Variants in TRPM5 observed in about 807,000 individuals in gnomAD.
The protein encoded by TRPM5 is transient receptor potential cation channel subfamily M member 5.
A neutral mutation model predicts 124.9 loss-of-function variants in TRPM5; 121 were observed. The observed-to-expected ratio is 0.97, with a 90% CI of 0.84 to 1.13. TRPM5 has a LOEUF of 1.13. Ranked by LOEUF, TRPM5 falls within the 50% of genes most tolerant of loss-of-function variation. The probability of loss-of-function intolerance (pLI) is 0.00; values close to 1 mark genes in which losing one functional copy is unlikely to be tolerated. For missense variants in TRPM5, 1,643 were observed against 1,589.1 expected (o/e 1.03, Z -0.58); for synonymous variants, 781 against 700.5 (o/e 1.11, Z -1.81).
chr11:2,414,009 G>GGGGGGGGGCCCCCCCCCCCCCC, intron 12 of TRPM5, 52 bp downstream of exon 17: 1 of 1,023,732 alleles, frequency 9.8e-7, no homozygotes, highest in Non-Finnish European at 1.4e-6. Context: ...GGCCCAGCTC[G>GGGGGGGGGCCCCCCCCCCCCCC]CCCGCCCACC....
chr11:2,441,306 C>G, the TRPM5 span, among the ~76,000 whole-genome samples: 4 of 152,112 alleles, frequency 2.6e-5, no homozygotes, highest in Admixed American at 2.6e-4. This position sits in a 1 kb window ranked among gnomAD's most constrained non-coding sequence, Gnocchi z 7.2. Flanking sequence ...CTGATGGGGG[C>G]CCTCCTCACC....
At chr11:2,423,055 AG>A, upstream of TRPM5, 1 of 1,597,306 alleles carries the variant, frequency 6.3e-7, no homozygotes. Context: ...CTAGAGCTGC[AG>A]GGATACCCTG....
At chr11:2,410,559 G>A in intron 18 of TRPM5, 2 of 332,504 alleles carry the variant, frequency 6.0e-6, no homozygotes, top group Non-Finnish European at 1.2e-5. Context: ...TCCTCACTGA[G>A]TCCCAGCCAT....
At chr11:2,425,963 C>A (rs569589704), upstream of TRPM5, among the ~76,000 whole-genome samples, 1 of 152,296 alleles carries the variant, frequency 6.6e-6, no homozygotes, top group East Asian at 1.9e-4. Flanking sequence ...TCCTACAGGG[C>A]TCCCTGGCCC....
intron 4 of TRPM5, among the ~76,000 whole-genome samples, chr11:2,419,475 G>A (rs1845735113): frequency 6.6e-6 from 1 of 151,688 alleles, no homozygotes; most frequent in African/African-American, 2.4e-5. Context: ...AAAGAGCCGG[G>A]CATGGTGGCA....
chr11:2,430,448 CTAG>C, the TRPM5 span, among the ~76,000 whole-genome samples: 1 of 143,322 alleles, frequency 7.0e-6, no homozygotes, highest in Admixed American at 7.3e-5. Flanking sequence ...AGTGGTGATA[CTAG>C]TGGTGGTGGT....
chr11:2,426,175 C>G (rs1845838690), upstream of TRPM5, among the ~76,000 whole-genome samples: 1 of 152,180 alleles, frequency 6.6e-6, no homozygotes, highest in African/African-American at 2.4e-5. Context: ...CTCCTTCCTC[C>G]CGAGGACGGG....
Position 2,406,751 on chromosome 11 carries a change from C to T in TRPM5, c.3161G>A (p.Trp1054Ter). ...GAAGTTCTCCTTCTGGACTGTCTCC[C>T]AGGTGACGACCTTCTGGTCCAGGGG... Residue 1054 changes from tryptophan (W) to a stop codon, truncating the protein, a stop_gained, in exon 21 of 24, where the codon TGG (tryptophan) becomes TAG (stop). Transcript: ENST00000155858. LOFTEE classifies it high-confidence loss of function. The T allele has an allele frequency of 1.2e-6, 2 of 1,613,530 alleles. No homozygotes were observed. Among genetic ancestry groups the T allele is most frequent in the Non-Finnish European group, 8.5e-7 (1 of 1,179,950 alleles).
chr11:2,425,823 G>A (rs953243826), upstream of TRPM5, among the ~76,000 whole-genome samples: 9 of 152,194 alleles, frequency 5.9e-5, no homozygotes, highest in Admixed American at 3.3e-4. Flanking sequence ...CCTGGGGGAC[G>A]GGACTGGGCT....
chr11:2,410,015 T>G (rs1180925937), intron 18 of TRPM5, among the ~76,000 whole-genome samples: 1 of 152,176 alleles, frequency 6.6e-6, no homozygotes, highest in African/African-American at 2.4e-5. Context: ...CTGCCCTGGC[T>G]GGAGGCGCCC....
chr11:2,434,218 TGTGGACGCTGTGAGTGCATGTGTGTGC>T, the TRPM5 span, among the ~76,000 whole-genome samples: 1 of 151,382 alleles, frequency 6.6e-6, no homozygotes, highest in African/African-American at 2.4e-5. Flanking sequence ...TGTGTGTCTG[TGTGGACGCTGTGAGTGCATGTGTGTGC>T]GTGGACACTG....
the TRPM5 span, among the ~76,000 whole-genome samples, chr11:2,430,645 C>CTTT: frequency 1.6e-5 from 2 of 128,128 alleles, no homozygotes; most frequent in Non-Finnish European, 3.3e-5. Flanking sequence ...AGGGTGGTGG[C>CTTT]AGTGATGGTG....
At chr11:2,436,083 C>G in the TRPM5 span, among the ~76,000 whole-genome samples, 227 of 152,376 alleles carry the variant, frequency 1.5e-3, no homozygotes, top group African/African-American at 4.9e-3. Flanking sequence ...TCCCCCACAC[C>G]GTAACCCAGC....
At chr11:2,406,974 T>C in intron 20 of TRPM5, 145 bp downstream of exon 25, 1 of 1,300,800 alleles carries the variant, frequency 7.7e-7, no homozygotes, top group Non-Finnish European at 1.0e-6. Flanking sequence ...GGCTCAGCTG[T>C]GCCAGCCTGC....
At chr11:2,422,314 C>A (rs1030542962) in exon 2 of TRPM5, 1 of 1,608,806 alleles carries the variant, frequency 6.2e-7, no homozygotes, top group Non-Finnish European at 8.5e-7. Flanking sequence ...GCTCGGCACC[C>A]GTACAAACTG....
At chr11:2,422,365 A>G (rs750466718) in intron 1 of TRPM5, 44 bp from the exon 7 acceptor site, 12 of 1,284,082 alleles carry the variant, frequency 9.3e-6, no homozygotes, top group South Asian at 5.7e-5. Context: ...GGCACGGGGC[A>G]TGGGAGCTGC....
At chr11:2,416,626 G>A (rs1433999800) in intron 7 of TRPM5, among the ~76,000 whole-genome samples, 5 of 152,066 alleles carry the variant, frequency 3.3e-5, no homozygotes, top group South Asian at 2.1e-4. Context: ...GTTCCTAAAC[G>A]GGGAGGTTTC....
intron 18 of TRPM5, among the ~76,000 whole-genome samples, chr11:2,409,442 A>G (rs1322867514): frequency 6.6e-6 from 1 of 152,114 alleles, no homozygotes; most frequent in Non-Finnish European, 1.5e-5. Flanking sequence ...GCCGGGCTGG[A>G]AATTAAATTG....
chr11:2,404,320 G>A (rs1376452121), downstream of TRPM5, among the ~76,000 whole-genome samples: 1 of 152,182 alleles, frequency 6.6e-6, no homozygotes, highest in Non-Finnish European at 1.5e-5. Flanking sequence ...CTCCACTGAA[G>A]ATAAAGCAGC....
Sources: allele counts gnomAD v4.1 joint callset (sites outside exome capture counted in the v4.1 genomes callset), GRCh38; gene constraint gnomAD v4.1.1; non-coding constraint Gnocchi (gnomAD v3.1); transcripts MANE v1.5; gene names NCBI Gene and HGNC (gene_info 2026-07-23, HGNC 2026-07-21).